CDC42BPA: variants seen among roughly 807,000 people sequenced by gnomAD.
CDC42BPA encodes serine/threonine-protein kinase MRCK alpha.
CDC42BPA carries 80 observed loss-of-function variants against 223.5 expected under a neutral mutation model. The observed-to-expected ratio is 0.36, with a 90% CI of 0.30 to 0.43. The LOEUF is 0.43. Among genes scored for constraint, CDC42BPA ranks in the 20% least tolerant of loss-of-function variants. CDC42BPA has a pLI of 1.00. For missense variants in CDC42BPA, 1,743 were observed against 2,099.9 expected (o/e 0.83, Z 3.32); for synonymous variants, 694 against 718.6 (o/e 0.97, Z 0.55).
intron 3 of CDC42BPA, among the ~76,000 whole-genome samples, chr1:227,202,102 C>T (rs945382691): frequency 2.6e-5 from 4 of 152,158 alleles, no homozygotes; most frequent in Non-Finnish European, 5.9e-5. Context: ...CCTGCCTTAG[C>T]CTCCTGAGTA....
chr1:227,148,766 C>CAAAAGAAA (rs1661152350), intron 6 of CDC42BPA, among the ~76,000 whole-genome samples: 1 of 11,862 alleles, frequency 8.4e-5, no homozygotes, highest in African/African-American at 4.6e-4. Context: ...GACTCGGTCT[C>CAAAAGAAA]AAAAGCAAAA....
chr1:227,132,843 A>C (rs1446755642), intron 10 of CDC42BPA, among the ~76,000 whole-genome samples: 1 of 141,990 alleles, frequency 7.0e-6, no homozygotes, highest in Non-Finnish European at 1.5e-5. Flanking sequence ...GGAGGTGAGG[A>C]GCGTCTCTGC....
In CDC42BPA at chr1:227,317,941, A is replaced by G; in HGVS notation, c.-759T>C. The G allele has an allele frequency of 2.5e-6, 1 of 397,912 alleles. No individual in the cohort carries two copies. Among genetic ancestry groups the G allele is most frequent in the Non-Finnish European group, 4.4e-6 (1 of 225,660 alleles). The allele number at this position is 397,912 out of a possible 1,614,324, so 24.6% of individuals were successfully genotyped here. ...TTCATTTTCCTCCCGGCTTCACCCT[A>G]GGGCCTGACCGGCGGCGCGGCCGGG... On this transcript the variant is annotated 5_prime_UTR_variant, in exon 1 of 37. Transcript: ENST00000366766.
At chr1:227,083,573 T>C (rs1301219942) in intron 16 of CDC42BPA, among the ~76,000 whole-genome samples, 10 of 152,212 alleles carry the variant, frequency 6.6e-5, no homozygotes, top group Admixed American at 6.5e-4. Context: ...GTTGAATTTT[T>C]CTCTTGGTTT....
intron 1 of CDC42BPA, among the ~76,000 whole-genome samples, chr1:227,282,659 A>G (rs1688193611): frequency 6.6e-6 from 1 of 152,240 alleles, no homozygotes; most frequent in Non-Finnish European, 1.5e-5. Flanking sequence ...CAAACAGCAA[A>G]GAAGCACAGC....
At chr1:227,264,670 A>T (rs756838116) in intron 1 of CDC42BPA, 32 of 586,354 alleles carry the variant, frequency 5.5e-5, no homozygotes, top group Non-Finnish European at 7.7e-5. Context: ...AGTTTTAAAA[A>T]TTTTTTAATT....
intron 32 of CDC42BPA, among the ~76,000 whole-genome samples, chr1:227,018,862 G>A (rs972760324): frequency 6.6e-6 from 1 of 152,126 alleles, no homozygotes; most frequent in African/African-American, 2.4e-5. Flanking sequence ...ATGCTTTATT[G>A]CCAAAAATGC....
chr1:227,267,557 T>C (rs904725574), intron 1 of CDC42BPA, among the ~76,000 whole-genome samples: 4 of 152,212 alleles, frequency 2.6e-5, no homozygotes, highest in African/African-American at 9.6e-5. Flanking sequence ...GATTTTCCAG[T>C]GTATTAGTCT....
At chr1:227,127,447 A>G (rs1450901477) in intron 11 of CDC42BPA, among the ~76,000 whole-genome samples, 3 of 152,254 alleles carry the variant, frequency 2.0e-5, no homozygotes, top group African/African-American at 7.2e-5. Flanking sequence ...AGCTACTGCC[A>G]TTCAAAGCCA....
chr1:227,207,714 C>A (rs1572367832), intron 3 of CDC42BPA, among the ~76,000 whole-genome samples: 1 of 149,636 alleles, frequency 6.7e-6, no homozygotes, highest in Non-Finnish European at 1.5e-5. Flanking sequence ...TTTATGGCTG[C>A]ATAGTATTCC....
intron 1 of CDC42BPA, among the ~76,000 whole-genome samples, chr1:227,277,765 C>G (rs73098340): frequency 0.25 from 32,673 of 130,526 alleles, 3,973 homozygotes; most frequent in East Asian, 0.37. Context: ...TTGTTTGTTT[C>G]TTTTCAGACA....
intron 6 of CDC42BPA, among the ~76,000 whole-genome samples, chr1:227,148,870 G>C (rs1661215722): frequency 6.6e-6 from 1 of 150,960 alleles, no homozygotes; most frequent in African/African-American, 2.4e-5. Flanking sequence ...GATTCTTAGA[G>C]GTCAGTAATC....
intron 18 of CDC42BPA, 118 bp downstream of exon 18, chr1:227,074,141 C>G: frequency 2.2e-6 from 3 of 1,346,644 alleles, no homozygotes; most frequent in Non-Finnish European, 3.1e-6. Flanking sequence ...TCATAAAAAA[C>G]TCTTTAGTAG....
At chr1:227,129,270 T>C (rs974736078) in intron 10 of CDC42BPA, 39 bp from the exon 11 acceptor site, 11 of 1,407,484 alleles carry the variant, frequency 7.8e-6, no homozygotes, top group Middle Eastern at 1.9e-4. Flanking sequence ...AATATCACCA[T>C]ACTCTAAATT....
chr1:227,305,066 T>A (rs1393915750), intron 1 of CDC42BPA, among the ~76,000 whole-genome samples: 2 of 152,168 alleles, frequency 1.3e-5, no homozygotes, highest in African/African-American at 4.8e-5. Flanking sequence ...TAGATGACAA[T>A]ATACACCAAT....
At chr1:227,087,914 G>A (rs1174138637) in intron 16 of CDC42BPA, among the ~76,000 whole-genome samples, 1 of 151,924 alleles carries the variant, frequency 6.6e-6, no homozygotes, top group Admixed American at 6.6e-5. Flanking sequence ...ATCCATTTTG[G>A]ATTACCATTA....
chr1:227,199,094 T>A (rs142726461), intron 4 of CDC42BPA, among the ~76,000 whole-genome samples: 4 of 152,210 alleles, frequency 2.6e-5, no homozygotes, highest in Non-Finnish European at 5.9e-5. Context: ...CAGAGATACA[T>A]GTGTTAGTTA....
intron 1 of CDC42BPA, among the ~76,000 whole-genome samples, chr1:227,277,171 C>G (rs967090963): frequency 6.6e-6 from 1 of 150,412 alleles, no homozygotes; most frequent in Non-Finnish European, 1.5e-5. Context: ...AAAATGTACG[C>G]CAATAAACTT....
Position 227,004,730 on chromosome 1 carries a change from T to C in CDC42BPA, c.4975+264A>G, listed in dbSNP as rs1442748485. The stretch of plus-strand genomic sequence containing the variant: ...CTATTAATGTATGCTGTTTACTTCC[T>C]TCAGAGCCTTTATCATCACAATTTG... On this transcript the variant is annotated intron_variant, in intron 35 of 36. Transcript: ENST00000366766. 9.6e-6 allele frequency: 5 copies of C among 521,878 alleles called. No homozygotes were observed. The East Asian group carries it at 1.8e-4, about 18-fold the overall frequency. 32.3% of individuals were successfully genotyped at this position (521,878 alleles called of 1,614,324 possible).
Sources: allele counts gnomAD v4.1 joint callset (sites outside exome capture counted in the v4.1 genomes callset), GRCh38; gene constraint gnomAD v4.1.1; transcripts MANE v1.5; gene names NCBI Gene and HGNC (gene_info 2026-07-23, HGNC 2026-07-21).